NOL9: variants seen among roughly 807,000 people sequenced by gnomAD.
NOL9 encodes polynucleotide 5'-hydroxyl-kinase NOL9.
A neutral mutation model predicts 67.9 loss-of-function variants in NOL9; 28 were observed. The observed-to-expected ratio is 0.41, with a 90% CI of 0.31 to 0.57. The LOEUF is 0.57. Among genes scored for constraint, NOL9 ranks in the 20% least tolerant of loss-of-function variants. The pLI is 0.25. For synonymous variants in NOL9, 356 were observed against 352.2 expected (o/e 1.01, Z -0.12); for missense variants, 777 against 897.0 (o/e 0.87, Z 1.71).
At position 6,540,192 on chromosome 1, in the gene NOL9, A is replaced by C. The variant is rs887324861; in HGVS notation, c.1075+1638T>G. Among the ~76,000 whole-genome samples, 8 of 142,456 alleles carry C rather than the reference A, an allele frequency of 5.6e-5. No homozygotes were observed. In the Admixed American group the frequency reaches 5.8e-4, roughly 10 times the overall value. 93.5% of individuals were successfully genotyped at this position (142,456 alleles called of 152,430 possible). ...GGCTGGAGTGCAGTGGTGAGAGCTC[A>C]GCTCACTGCAAGCTCCGCCTCCTGG... On this transcript the variant is annotated intron_variant, in intron 6 of 11. Transcript: ENST00000377705.
intron 5 of NOL9, among the ~76,000 whole-genome samples, chr1:6,543,993 G>C (rs1447653799): frequency 6.6e-6 from 1 of 152,168 alleles, no homozygotes; most frequent in Non-Finnish European, 1.5e-5. Context: ...GGGTATGGTG[G>C]CGCACGCCTG....
intron 6 of NOL9, among the ~76,000 whole-genome samples, chr1:6,540,136 T>TTTTTTTTTG (rs1305149011): frequency 2.1e-5 from 3 of 143,290 alleles, no homozygotes; most frequent in African/African-American, 5.2e-5. Context: ...TTTTTTTTTT[T>TTTTTTTTTG]TTTTGAGACA....
chr1:6,544,219 G>A (rs1639364402), intron 5 of NOL9, among the ~76,000 whole-genome samples: 4 of 151,750 alleles, frequency 2.6e-5, no homozygotes, highest in Admixed American at 1.3e-4. Flanking sequence ...GGACGTCAAG[G>A]CTGCAGCAAG....
chr1:6,521,817 G>A lies in NOL9; in HGVS notation c.*4037C>T, dbSNP rs7540913. The A allele has an allele frequency of 0.76, 116,263 of 152,126 alleles. 46,562 individuals carry two copies. Among genetic ancestry groups the A allele is most frequent in the Non-Finnish European group, 0.87 (59,397 of 68,020 alleles). The allele number at this position is 152,126 out of a possible 1,614,324, so 9.4% of individuals were successfully genotyped here. ...AGCTACACACTAGGAGTTACTGACC[G>A]TTTCTACATGCCGGAGACTGTGCTA... On this transcript the variant is annotated 3_prime_UTR_variant, in exon 12 of 12. Transcript: ENST00000377705.
intron 6 of NOL9, among the ~76,000 whole-genome samples, chr1:6,538,224 G>A (rs1639199087): frequency 6.6e-6 from 1 of 152,060 alleles, no homozygotes; most frequent in South Asian, 2.1e-4. Flanking sequence ...TAAGAACTGT[G>A]CATCAAAGGT....
intron 6 of NOL9, 136 bp downstream of exon 6, chr1:6,541,693 GT>G: frequency 2.3e-6 from 1 of 435,632 alleles, no homozygotes; most frequent in East Asian, 3.5e-5. Context: ...AGAGGAACAA[GT>G]TATGGAAAGA....
At position 6,554,116 on chromosome 1, in the gene NOL9, C is replaced by A. The variant is rs919065943; in HGVS notation, c.387G>T (p.Pro129=). 2 of 1,527,710 alleles carry A rather than the reference C, an allele frequency of 1.3e-6. No individual in the cohort carries two copies. The highest frequency in any genetic ancestry group is 2.7e-5 in the East Asian group (1 of 37,314). 94.6% of individuals were successfully genotyped at this position (1,527,710 alleles called of 1,614,324 possible). ...VGPGRALLLL[P]VEQGFTFSGI... ...GGCGCCCCCCACCTACCTGCTCGAC[C>A]GGCAGCAGCAGCAACGCGCGGCCGG... is the stretch of plus-strand genomic sequence containing the variant. The change falls in exon 1 of 12, where the codon CCG becomes CCT. Residue 129 remains proline (P), a synonymous_variant. Coordinates refer to ENST00000377705, the MANE Select transcript of NOL9 (RefSeq NM_024654.5).
chr1:6,544,543 A>ACCG (rs1639375039), intron 5 of NOL9, among the ~76,000 whole-genome samples: 1 of 24,536 alleles, frequency 4.1e-5, no homozygotes, highest in South Asian at 1.9e-3. Context: ...GCACACACGC[A>ACCG]CCCCCCCCCC....
chr1:6,548,253 TTCTCCCGCC>T (rs909747328), intron 3 of NOL9: 6 of 155,584 alleles, frequency 3.9e-5, no homozygotes, highest in African/African-American at 1.2e-4. Flanking sequence ...GTTCCATCGA[TTCTCCCGCC>T]TCACCTCTGG....
At chr1:6,534,755 C>T (rs1183245898) in intron 6 of NOL9, among the ~76,000 whole-genome samples, 1 of 152,192 alleles carries the variant, frequency 6.6e-6, no homozygotes, top group African/African-American at 2.4e-5. Context: ...AAGCCAGAAT[C>T]GGATGAGTCG....
At chr1:6,536,203 G>A (rs1387087065) in intron 6 of NOL9, among the ~76,000 whole-genome samples, 5 of 151,634 alleles carry the variant, frequency 3.3e-5, no homozygotes, top group East Asian at 2.0e-4. Context: ...AAAATTAGCC[G>A]GGCGTGGTGG....
At position 6,533,374 on chromosome 1, in the gene NOL9, G is replaced by A. The variant is rs1174859946; in HGVS notation, c.1143C>T (p.Asn381=). The A allele has an allele frequency of 6.2e-7, 1 of 1,613,202 alleles. No individual in the cohort carries two copies. The highest frequency in any genetic ancestry group is 8.5e-7 in the Non-Finnish European group (1 of 1,179,406). The change falls in exon 7 of 12, where the codon AAC becomes AAT. Residue 381 remains asparagine, a synonymous_variant. Transcript: ENST00000377705. ...CTATGTCAATATAATTCTCATAGTT[G>A]TTTTTACAAGAAGGTTTCCCATAAT... The part of the protein sequence containing the change: ...MVYYGKPSCK[N]NYENYIDIVK...
intron 1 of NOL9, among the ~76,000 whole-genome samples, chr1:6,551,643 G>A (rs986955515): frequency 6.6e-6 from 1 of 151,820 alleles, no homozygotes; most frequent in African/African-American, 2.4e-5. Context: ...AAATTTAAAA[G>A]GCTGCAGCCA....
At position 6,550,624 on chromosome 1, in the gene NOL9, G is replaced by A; in HGVS notation, c.397-9C>T. The A allele has an allele frequency of 6.3e-7, 1 of 1,598,670 alleles. No individual in the cohort carries two copies. The highest frequency in any genetic ancestry group is 1.7e-4 in the Middle Eastern group (1 of 5,828). The stretch of plus-strand genomic sequence containing the variant: ...CCACTAAAAGTAAAACCCTAGCAGG[G>A]AGAGAAAACAGAAAAAACATTATAG... On this transcript the variant is annotated splice_polypyrimidine_tract_variant and intron_variant, in intron 1 of 11. Transcript: ENST00000377705.
intron 6 of NOL9, among the ~76,000 whole-genome samples, chr1:6,540,140 T>TTTTTTTTTTTA (rs58795074): frequency 1.4e-5 from 2 of 145,986 alleles, no homozygotes; most frequent in African/African-American, 5.1e-5. Context: ...TTTTTTTTTT[T>TTTTTTTTTTTA]GAGACAGAGT....
Position 6,541,940 on chromosome 1 carries a change from A to T in NOL9, c.978-13T>A. 1 of 1,499,376 alleles carries T rather than the reference A, an allele frequency of 6.7e-7. No individual in the cohort carries two copies. Among genetic ancestry groups the T allele is most frequent in the Non-Finnish European group, 9.1e-7 (1 of 1,098,708 alleles). 92.9% of individuals were successfully genotyped at this position (1,499,376 alleles called of 1,614,324 possible). A position where few individuals can be genotyped will look rare whatever the true frequency, so the allele number is the denominator to read the frequency against. ...AACGCAGGGAAGACTGCAAATTTTT[A>T]AAAAAGAAAAAAGAAAGAAAATCCT... is the stretch of plus-strand genomic sequence containing the variant. On this transcript the variant is annotated splice_polypyrimidine_tract_variant and intron_variant, in intron 5 of 11. Coordinates refer to ENST00000377705, the MANE Select transcript of NOL9 (RefSeq NM_024654.5).
At chr1:6,548,339 G>A in intron 3 of NOL9, 1 of 164,234 alleles carries the variant, frequency 6.1e-6, no homozygotes, top group Non-Finnish European at 1.3e-5. Flanking sequence ...TAGAGATGGG[G>A]TTTTGCCATG....
rs562026319 is a variant in NOL9 at position 6,528,805 on chromosome 1, G to A, written c.1825+189C>T. ...TGGGAAGCCTACATTTACAGGAGCT[G>A]GCAGACGAAGCAGAGAAATAGCTGC... On this transcript the variant is annotated intron_variant, in intron 10 of 11. Transcript: ENST00000377705. Among the ~76,000 whole-genome samples, 10 of 152,338 alleles carry A rather than the reference G, an allele frequency of 6.6e-5. No individual in the cohort carries two copies. The South Asian group carries it at 1.7e-3, about 25-fold the overall frequency.
intron 10 of NOL9, among the ~76,000 whole-genome samples, chr1:6,527,910 G>A (rs555963732): frequency 5.9e-5 from 9 of 152,016 alleles, no homozygotes; most frequent in South Asian, 4.1e-4. Flanking sequence ...CAGCCTGGGC[G>A]ACAGAGCAAG....
Sources: gnomAD v4.1 joint callset for allele counts (sites outside exome capture counted in the v4.1 genomes callset) on GRCh38, gnomAD v4.1.1 for gene constraint, MANE v1.5 for transcripts, NCBI Gene and HGNC (gene_info 2026-07-23, HGNC 2026-07-21) for gene names.